Variants in RORA observed in about 807,000 individuals in gnomAD.
RORA encodes the protein RAR related orphan receptor A, also known as nuclear receptor ROR-alpha.
In RORA, 7 loss-of-function variants were observed where a neutral mutation model predicts 69.5. That is an observed-to-expected ratio of 0.10 (90% confidence interval 0.06 to 0.19). RORA has a LOEUF of 0.19. RORA is among the 10% of genes least tolerant of loss of function. The pLI is 1.00. For missense variants in RORA, 457 were observed against 663.0 expected (o/e 0.69, Z 3.41); for synonymous variants, 261 against 240.8 (o/e 1.08, Z -0.78).
intron 1 of RORA, among the ~76,000 whole-genome samples, chr15:60,754,569 C>T (rs898561617): frequency 2.6e-5 from 4 of 152,110 alleles, no homozygotes; most frequent in African/African-American, 7.2e-5. Flanking sequence ...ATGCTTGACC[C>T]CCAACTTTGA....
At chr15:61,209,056 C>G (rs532097084) in intron 1 of RORA, among the ~76,000 whole-genome samples, 2 of 152,188 alleles carry the variant, frequency 1.3e-5, no homozygotes, top group African/African-American at 4.8e-5. Context: ...AAGGTTCTTT[C>G]CTTACCCTAA....
At chr15:61,082,027 C>G (rs1350555846) in intron 1 of RORA, among the ~76,000 whole-genome samples, 3 of 152,142 alleles carry the variant, frequency 2.0e-5, no homozygotes, top group Non-Finnish European at 4.4e-5. Context: ...CATGGGGATA[C>G]TACACAGTCA....
At chr15:60,763,079 T>TTTTTC (rs2071921689) in intron 1 of RORA, among the ~76,000 whole-genome samples, 1 of 122,096 alleles carries the variant, frequency 8.2e-6, no homozygotes, top group African/African-American at 2.7e-5. Flanking sequence ...TTTTTTTTTT[T>TTTTTC]TTTTTTTTTT....
intron 3 of RORA, among the ~76,000 whole-genome samples, chr15:60,526,953 C>G (rs1375808467): frequency 6.6e-6 from 1 of 152,104 alleles, no homozygotes; most frequent in African/African-American, 2.4e-5. Flanking sequence ...TTTTGAAAAG[C>G]CTTTTTTATT....
At chr15:60,868,713 G>T (rs1348082686) in intron 1 of RORA, among the ~76,000 whole-genome samples, 1 of 152,136 alleles carries the variant, frequency 6.6e-6, no homozygotes, top group Non-Finnish European at 1.5e-5. Flanking sequence ...AGAAAAAAAG[G>T]ATTCTAATGT....
intron 1 of RORA, among the ~76,000 whole-genome samples, chr15:60,794,599 G>A (rs183615317): frequency 1.7e-4 from 26 of 152,282 alleles, no homozygotes; most frequent in Middle Eastern, 3.4e-3. Context: ...CTCCACTGAC[G>A]TCACCAGCTA....
At chr15:60,686,454 T>C (rs1215932612) in intron 1 of RORA, among the ~76,000 whole-genome samples, 2 of 152,228 alleles carry the variant, frequency 1.3e-5, no homozygotes, top group Non-Finnish European at 2.9e-5. Context: ...CAAATTGATT[T>C]CCTTTTATTG....
intron 1 of RORA, among the ~76,000 whole-genome samples, chr15:61,056,749 T>G (rs539786061): frequency 2.9e-4 from 44 of 152,354 alleles, no homozygotes; most frequent in Middle Eastern, 3.4e-3. Context: ...ATTCCTAGAA[T>G]AGACAGGGCC....
chr15:60,962,428 T>G (rs1304347559), intron 1 of RORA, among the ~76,000 whole-genome samples: 1 of 152,226 alleles, frequency 6.6e-6, no homozygotes, highest in Non-Finnish European at 1.5e-5. Context: ...TCAGACAGTG[T>G]CTCAGGCAAC....
intron 5 of RORA, among the ~76,000 whole-genome samples, chr15:60,506,998 A>AG (rs2065528062): frequency 6.6e-6 from 1 of 151,942 alleles, no homozygotes; most frequent in African/African-American, 2.4e-5. Context: ...AAAAAAAAAA[A>AG]AGAAAATTAT....
At chr15:60,721,039 TCAAA>T (rs746279270) in intron 1 of RORA, among the ~76,000 whole-genome samples, 32 of 152,128 alleles carry the variant, frequency 2.1e-4, no homozygotes, top group East Asian at 1.4e-3. Flanking sequence ...CCACCATCAA[TCAAA>T]CAAACAGAGA....
chr15:60,653,679 A>C (rs2070180218), intron 2 of RORA, among the ~76,000 whole-genome samples: 1 of 152,190 alleles, frequency 6.6e-6, no homozygotes, highest in Non-Finnish European at 1.5e-5. Flanking sequence ...AGTTGAGCCC[A>C]TGGTAATGGA....
chr15:60,533,278 G>C (rs1030138598), intron 2 of RORA, among the ~76,000 whole-genome samples: 6 of 152,112 alleles, frequency 3.9e-5, no homozygotes, highest in Admixed American at 6.6e-5. Context: ...TCCAAATTTA[G>C]AGATTGTTCC....
At chr15:60,780,079 T>G (rs908125688) in intron 1 of RORA, among the ~76,000 whole-genome samples, 5 of 151,612 alleles carry the variant, frequency 3.3e-5, no homozygotes, top group African/African-American at 9.7e-5. Context: ...GGGGAGAGGG[T>G]GGGGAGGAGG....
intron 1 of RORA, among the ~76,000 whole-genome samples, chr15:61,174,639 C>T (rs555119280): frequency 5.3e-5 from 8 of 152,150 alleles, no homozygotes; most frequent in Non-Finnish European, 8.8e-5. Context: ...CCTTATCAAC[C>T]GCTCTCATAC....
intron 1 of RORA, among the ~76,000 whole-genome samples, chr15:60,717,139 G>C (rs2071230923): frequency 6.6e-6 from 1 of 152,144 alleles, no homozygotes; most frequent in Non-Finnish European, 1.5e-5. Flanking sequence ...AACAGTGTTA[G>C]AATTGAATGG....
chr15:60,907,851 A>C (rs1397540302), intron 1 of RORA, among the ~76,000 whole-genome samples: 1 of 152,150 alleles, frequency 6.6e-6, no homozygotes, highest in Non-Finnish European at 1.5e-5. Context: ...AAGGTCTGTA[A>C]CTCCAGTTAG....
chr15:61,167,576 T>G (rs1053372723), intron 1 of RORA, among the ~76,000 whole-genome samples: 1 of 149,798 alleles, frequency 6.7e-6, no homozygotes, highest in African/African-American at 2.5e-5. Context: ...AGCCCTACAA[T>G]TTGGCTATGT....
chr15:60,876,315 G>GTT (rs1400706973), intron 1 of RORA, among the ~76,000 whole-genome samples: 3 of 120,126 alleles, frequency 2.5e-5, no homozygotes, highest in African/African-American at 9.9e-5. Flanking sequence ...AGGAAGTGGG[G>GTT]GGGGGGGGGG....
Sources: allele counts gnomAD v4.1 joint callset (sites outside exome capture counted in the v4.1 genomes callset), GRCh38; gene constraint gnomAD v4.1.1; transcripts MANE v1.5; gene names NCBI Gene and HGNC (gene_info 2026-07-23, HGNC 2026-07-21).